Variants in VMA22 observed in about 807,000 individuals in gnomAD.
VMA22 encodes vacuolar ATPase assembly protein VMA22.
the VMA22 span, chr2:130,339,040 T>C: frequency 1.1e-5 from 11 of 1,044,862 alleles, no homozygotes; most frequent in Admixed American, 1.8e-4. Context: ...CAAGAGCTAA[T>C]TGTGAAGGAA....
the VMA22 span, chr2:130,339,211 A>G: frequency 3.1e-6 from 5 of 1,614,116 alleles, no homozygotes; most frequent in Admixed American, 5.0e-5. Flanking sequence ...GAGGCTGGCT[A>G]TGTCTGCGGC....
chr2:130,339,258 A>AT, the VMA22 span: 2 of 1,596,192 alleles, frequency 1.3e-6, no homozygotes, highest in East Asian at 4.5e-5. Flanking sequence ...GAAGGTCACC[A>AT]TGGTATCTGT....
chr2:130,340,980 G>A, the VMA22 span: 1 of 1,613,640 alleles, frequency 6.2e-7, no homozygotes, highest in Non-Finnish European at 8.5e-7. Context: ...AGGGGGTCCT[G>A]AGGGGCCTCA....
the VMA22 span, chr2:130,339,341 A>C: frequency 7.5e-7 from 1 of 1,333,192 alleles, no homozygotes; most frequent in African/African-American, 1.5e-5. Context: ...TCTGCCCCCC[A>C]CACTTGTCCC....
chr2:130,342,106 C>A, the VMA22 span: 8 of 1,613,776 alleles, frequency 5.0e-6, no homozygotes, highest in East Asian at 2.2e-5. Flanking sequence ...CAGCTCCGCT[C>A]GCAGGTCAAG....
the VMA22 span, chr2:130,342,620 T>G: frequency 4.2e-6 from 2 of 475,700 alleles, no homozygotes; most frequent in East Asian, 6.6e-5. Flanking sequence ...AACTGCATTC[T>G]GCACGGCGGT....
the VMA22 span, chr2:130,338,458 T>C: frequency 1.3e-5 from 2 of 152,084 alleles, no homozygotes; most frequent in African/African-American, 4.8e-5. Context: ...AACAACCCAG[T>C]AGAAAAATGA....
the VMA22 span, chr2:130,340,985 G>A: frequency 6.2e-7 from 1 of 1,613,484 alleles, no homozygotes; most frequent in Non-Finnish European, 8.5e-7. Flanking sequence ...GTCCTGAGGG[G>A]CCTCAGAGGA....
the VMA22 span, chr2:130,341,570 C>T: frequency 1.2e-4 from 130 of 1,048,260 alleles, no homozygotes; most frequent in Non-Finnish European, 1.1e-5. Flanking sequence ...CTGGGATGCT[C>T]TCTCTTATCG....
At chr2:130,338,281 TA>T in the VMA22 span, 1 of 152,238 alleles carries the variant, frequency 6.6e-6, no homozygotes, top group Non-Finnish European at 1.5e-5. Context: ...AGTTATTCAT[TA>T]AGCTATTCAA....
chr2:130,339,174 G>A, the VMA22 span: 1 of 1,614,170 alleles, frequency 6.2e-7, no homozygotes, highest in Non-Finnish European at 8.5e-7. Flanking sequence ...CCCGGAGCTG[G>A]CTTCGACCCC....
the VMA22 span, chr2:130,338,563 A>C: frequency 1.4e-4 from 21 of 152,340 alleles, no homozygotes; most frequent in African/African-American, 4.8e-4. Flanking sequence ...GGATTTTAAA[A>C]ACCTAGGCCT....
the VMA22 span, chr2:130,341,808 C>A: frequency 1.6e-6 from 1 of 638,926 alleles, no homozygotes; most frequent in East Asian, 6.0e-5. Context: ...CGCGCCCGCC[C>A]GCCCACCCAG....
At chr2:130,342,599 C>A in the VMA22 span, 1 of 460,930 alleles carries the variant, frequency 2.2e-6, no homozygotes. Flanking sequence ...TTTAGCGGTT[C>A]GTCATCTGAA....
the VMA22 span, chr2:130,339,731 G>A: frequency 7.7e-7 from 1 of 1,304,206 alleles, no homozygotes; most frequent in Non-Finnish European, 1.0e-6. Flanking sequence ...CTCGCTCCAG[G>A]AAACACTTTC....
chr2:130,342,507 T>G, the VMA22 span: 1 of 476,772 alleles, frequency 2.1e-6, no homozygotes, highest in Middle Eastern at 5.5e-4. Flanking sequence ...TTAAAGTTAA[T>G]TTGGAAAGGA....
chr2:130,340,651 C>T, the VMA22 span: 1 of 506,750 alleles, frequency 2.0e-6, no homozygotes, highest in Non-Finnish European at 3.6e-6. Flanking sequence ...TTGCCTTTGT[C>T]TGCTTCTAAA....
chr2:130,341,427 T>G, the VMA22 span: 1 of 566,710 alleles, frequency 1.8e-6, no homozygotes. Flanking sequence ...AGATAAATAT[T>G]TTCTGTTCAG....
At chr2:130,342,125 T>C in the VMA22 span, 157 of 1,613,396 alleles carry the variant, frequency 9.7e-5, no homozygotes, top group Non-Finnish European at 1.3e-4. Context: ...AGCGCCGCCA[T>C]GGACACACCT....
Sources: allele counts gnomAD v4.1 joint callset, GRCh38; gene constraint gnomAD v4.1.1; transcripts MANE v1.5; gene names NCBI Gene and HGNC (gene_info 2026-07-23, HGNC 2026-07-21).